MFHAS1: variants seen among roughly 807,000 people sequenced by gnomAD.
MFHAS1 encodes multifunctional ROCO family signaling regulator 1, also known as malignant fibrous histiocytoma-amplified sequence 1.
In MFHAS1, 50 loss-of-function variants were observed where a neutral mutation model predicts 70.4. That is an observed-to-expected ratio of 0.71 (90% CI 0.57 to 0.90). MFHAS1 has a LOEUF of 0.90. MFHAS1 is among the 40% of genes least tolerant of loss of function. The probability of loss-of-function intolerance (pLI) is 0.00; values close to 1 mark genes in which losing one functional copy is unlikely to be tolerated. For synonymous variants in MFHAS1, 952 were observed against 620.0 expected (o/e 1.54, Z -7.96); for missense variants, 1,795 against 1,347.6 (o/e 1.33, Z -5.20).
chr8:8,840,579 A>G (rs1442223827), intron 1 of MFHAS1, among the ~76,000 whole-genome samples: 1 of 152,158 alleles, frequency 6.6e-6, no homozygotes, highest in Non-Finnish European at 1.5e-5. Flanking sequence ...CGGTAATGAC[A>G]TACCATCAAA....
intron 1 of MFHAS1, among the ~76,000 whole-genome samples, chr8:8,806,660 TCTAA>T (rs1177758031): frequency 6.6e-6 from 1 of 152,110 alleles, no homozygotes; most frequent in Non-Finnish European, 1.5e-5. Context: ...CTCTGGAATT[TCTAA>T]AAATCCTAGA....
At position 8,891,339 on chromosome 8, in the gene MFHAS1, T is replaced by G. The variant is rs145675259; in HGVS notation, c.1720A>C (p.Lys574Gln). The G allele has an allele frequency of 4.0e-4, 645 of 1,611,182 alleles. 1 individual carries two copies. In the African/African-American group the frequency reaches 7.7e-3, roughly 19 times the overall value. ...HDAEGLSRLA[K>Q]VVDEALARDF... Reference sequence around the variant, plus strand: ...CGGGCCAGTGCCTCGTCCACCACCTTGGCCAAGCGGCTCAGTCCCTCCGCG... The same window carrying G: ...CGGGCCAGTGCCTCGTCCACCACCTGGGCCAAGCGGCTCAGTCCCTCCGCG... Residue 574 changes from lysine to glutamine, a missense_variant, in exon 1 of 3, where the codon AAG (lysine) becomes CAG (glutamine). Physicochemically the swap from Lys to Gln is moderately conservative, Grantham distance 53. Coordinates refer to ENST00000276282, the MANE Select transcript of MFHAS1 (RefSeq NM_004225.3). The surrounding 1 kb of genome is among the most constrained non-coding windows in gnomAD (Gnocchi z 5.4).
At chr8:8,833,733 C>G (rs1467355171) in intron 1 of MFHAS1, among the ~76,000 whole-genome samples, 1 of 152,188 alleles carries the variant, frequency 6.6e-6, no homozygotes, top group African/African-American at 2.4e-5. Flanking sequence ...TATGCTTACA[C>G]AAAGCCTTAC....
chr8:8,830,631 C>A (rs1585040082), intron 1 of MFHAS1, among the ~76,000 whole-genome samples: 1 of 152,298 alleles, frequency 6.6e-6, no homozygotes, highest in Non-Finnish European at 1.5e-5. Context: ...GAGATGGATT[C>A]TTGCTCTTTC....
chr8:8,879,836 T>C lies in MFHAS1; in HGVS notation c.2998+10225A>G, dbSNP rs78175980. 5.7e-3 allele frequency among the ~76,000 whole-genome samples: 869 copies of C among 152,332 alleles called. 7 individuals carry two copies. The highest frequency in any genetic ancestry group is 0.02 in the African/African-American group (826 of 41,580). On this transcript the variant is annotated intron_variant, in intron 1 of 2. Coordinates refer to ENST00000276282, the MANE Select transcript of MFHAS1 (RefSeq NM_004225.3). Reference sequence around the variant, plus strand: ...GTATAGAGCAGGTATTCAACAGTGATTGACGACACTTATCTAATCTGGTAA... The same window carrying C: ...GTATAGAGCAGGTATTCAACAGTGACTGACGACACTTATCTAATCTGGTAA...
Position 8,892,620 on chromosome 8 carries a change from G to A in MFHAS1, c.439C>T (p.Leu147=). The change falls in exon 1 of 3, where the codon CTG becomes TTG. Residue 147 remains leucine, a synonymous_variant. Coordinates refer to ENST00000276282, the MANE Select transcript of MFHAS1 (RefSeq NM_004225.3). This position sits in a 1 kb window ranked among gnomAD's most constrained non-coding sequence, Gnocchi z 4.7. ...CCCAGCTGGGCGGGCAGGGCGGGCA[G>A]CTGGTTGTGGCTGAGGTTGAGCTTC... ...LRKLNLSHNQ[L]PALPAQLGAL... is the part of the protein sequence containing the mutation. 7 of 1,606,398 alleles carry A rather than the reference G, an allele frequency of 4.4e-6. No individual in the cohort carries two copies. The highest frequency in any genetic ancestry group is 5.9e-6 in the Non-Finnish European group (7 of 1,177,126).
chr8:8,837,633 A>T (rs765983431), intron 1 of MFHAS1, among the ~76,000 whole-genome samples: 12 of 151,448 alleles, frequency 7.9e-5, no homozygotes, highest in Non-Finnish European at 1.8e-4. Flanking sequence ...ACAGAGTGAG[A>T]CCCCATCTCA....
At position 8,866,967 on chromosome 8, in the gene MFHAS1, C is replaced by A. The variant is rs867452267; in HGVS notation, c.2998+23094G>T. 9.2e-5 allele frequency among the ~76,000 whole-genome samples: 14 copies of A among 152,186 alleles called. No homozygotes were observed. In the South Asian group the frequency reaches 2.1e-3, roughly 23 times the overall value. Reference sequence around the variant, plus strand: ...GACAATTTTTAAGGTGTAATCCCATCATTTGCAAGTCACTAAGAATAAATG... The same window carrying A: ...GACAATTTTTAAGGTGTAATCCCATAATTTGCAAGTCACTAAGAATAAATG... On this transcript the variant is annotated intron_variant, in intron 1 of 2. Coordinates refer to ENST00000276282, the MANE Select transcript of MFHAS1 (RefSeq NM_004225.3).
At chr8:8,887,548 T>C (rs949125833) in intron 1 of MFHAS1, among the ~76,000 whole-genome samples, 1 of 150,476 alleles carries the variant, frequency 6.6e-6, no homozygotes, top group African/African-American at 2.4e-5. Context: ...TATATACATA[T>C]ATATTTTATA....
Position 8,892,758 on chromosome 8 carries a change from G to A in MFHAS1, c.301C>T (p.Arg101Trp), listed in dbSNP as rs371432144. The change falls in exon 1 of 3, where the codon CGG becomes TGG. Residue 101 changes from arginine to tryptophan, a missense_variant. Transcript: ENST00000276282. This position sits in a 1 kb window ranked among gnomAD's most constrained non-coding sequence, Gnocchi z 4.7. ...VLVLRRNRFA[R>W]LPPAVAELGH... Reference sequence around the variant, plus strand: ...AGCTCGGCCACCGCCGGGGGCAGCCGGGCGAAGCGGTTCCTGCGCAGGACC... The same window carrying A: ...AGCTCGGCCACCGCCGGGGGCAGCCAGGCGAAGCGGTTCCTGCGCAGGACC... The A allele has an allele frequency of 1.8e-5, 28 of 1,576,592 alleles. No individual in the cohort carries two copies. The highest frequency in any genetic ancestry group is 5.4e-5 in the African/African-American group (4 of 73,894).
intron 1 of MFHAS1, among the ~76,000 whole-genome samples, chr8:8,819,336 T>C (rs934388652): frequency 2.6e-5 from 4 of 152,136 alleles, no homozygotes; most frequent in African/African-American, 4.8e-5. Flanking sequence ...CCGGGTGCGG[T>C]GGCTCACGCC....
chr8:8,866,669 C>T (rs1435825184), intron 1 of MFHAS1, among the ~76,000 whole-genome samples: 2 of 152,112 alleles, frequency 1.3e-5, no homozygotes, highest in African/African-American at 4.8e-5. Context: ...ACAAAATGGC[C>T]ACTGAGTCCC....
intron 1 of MFHAS1, among the ~76,000 whole-genome samples, chr8:8,854,520 C>CA (rs34883754): frequency 2.4e-4 from 34 of 140,656 alleles, no homozygotes; most frequent in South Asian, 4.6e-4. Context: ...GACTCTGTCT[C>CA]AAAAAAAAAA....
intron 1 of MFHAS1, among the ~76,000 whole-genome samples, chr8:8,838,044 T>C (rs1210961026): frequency 1.3e-5 from 2 of 152,350 alleles, no homozygotes; most frequent in East Asian, 3.9e-4. Context: ...GTCTATCAGC[T>C]GGTGAATGGA....
In MFHAS1 at chr8:8,891,412, C is replaced by T. The variant is rs1281729439; in HGVS notation, c.1647G>A (p.Glu549=). The T allele has an allele frequency of 6.2e-7, 1 of 1,612,552 alleles. No homozygotes were observed. Among genetic ancestry groups the T allele is most frequent in the Non-Finnish European group, 8.5e-7 (1 of 1,180,034 alleles). The change falls in exon 1 of 3, where the codon GAG becomes GAA. Residue 549 remains glutamate, a synonymous_variant. Coordinates refer to ENST00000276282, the MANE Select transcript of MFHAS1 (RefSeq NM_004225.3). This position sits in a 1 kb window ranked among gnomAD's most constrained non-coding sequence, Gnocchi z 5.4. ...TCTGGCGGTGAATGTCCAGACATTT[C>T]TCCTCCAGCTCACGCTCTCCGCACA... ...ADLCGERELE[E]KCLDIHRQIA...
Position 8,892,523 on chromosome 8 carries a change from C to T in MFHAS1, c.536G>A (p.Cys179Tyr). Residue 179 changes from cysteine to tyrosine, a missense_variant, in exon 1 of 3, where the codon TGC becomes TAC. Coordinates refer to ENST00000276282, the MANE Select transcript of MFHAS1 (RefSeq NM_004225.3). The surrounding 1 kb of genome is among the most constrained non-coding windows in gnomAD (Gnocchi z 4.7). ...RLAHLPDSLS[C>Y]LSRLRTLDVD... ...GTCCAGGGTGCGCAGGCGGGAGAGGCAGGAGAGGGAGTCAGGCAGGTGCGC... is the reference window on the plus strand; with the variant it reads ...GTCCAGGGTGCGCAGGCGGGAGAGGTAGGAGAGGGAGTCAGGCAGGTGCGC... The T allele has an allele frequency of 6.3e-7, 1 of 1,596,734 alleles. No individual in the cohort carries two copies. Among genetic ancestry groups the T allele is most frequent in the Middle Eastern group, 1.7e-4 (1 of 6,028 alleles).
At chr8:8,868,772 C>G (rs1475416039) in intron 1 of MFHAS1, among the ~76,000 whole-genome samples, 1 of 152,152 alleles carries the variant, frequency 6.6e-6, no homozygotes, top group Non-Finnish European at 1.5e-5. Flanking sequence ...ACTATGCAAC[C>G]TTACAACTGG....
At chr8:8,858,909 G>A (rs996148273) in intron 1 of MFHAS1, among the ~76,000 whole-genome samples, 1 of 152,192 alleles carries the variant, frequency 6.6e-6, no homozygotes, top group Non-Finnish European at 1.5e-5. Flanking sequence ...ACTATATAGA[G>A]GAACACAAGC....
At chr8:8,854,437 A>C (rs435953) in intron 1 of MFHAS1, among the ~76,000 whole-genome samples, 107,181 of 151,666 alleles carry the variant, frequency 0.71, 39,121 homozygotes, top group African/African-American at 0.88. Context: ...AGGATAATGG[A>C]GTGAACCCGG....
Sources: gnomAD v4.1 joint callset for allele counts (sites outside exome capture counted in the v4.1 genomes callset) on GRCh38, gnomAD v4.1.1 for gene constraint, Gnocchi (gnomAD v3.1) non-coding constraint, MANE v1.5 for transcripts, NCBI Gene and HGNC (gene_info 2026-07-23, HGNC 2026-07-21) for gene names.